Variants in ZMAT4 observed in about 807,000 individuals in gnomAD.
ZMAT4 encodes the protein zinc finger matrin-type protein 4.
In ZMAT4, 17 loss-of-function variants were observed where a neutral mutation model predicts 28.7. That is an observed-to-expected ratio of 0.59 (90% CI 0.41 to 0.89). The LOEUF is 0.89. Among genes scored for constraint, ZMAT4 ranks in the 40% least tolerant of loss-of-function variants. The pLI, the probability that ZMAT4 is intolerant of heterozygous loss-of-function variation, is 0.00. For missense variants in ZMAT4, 240 were observed against 283.8 expected, an observed-to-expected ratio of 0.85 and a Z score of 1.11; for synonymous variants, 117 against 109.2, an observed-to-expected ratio of 1.07 and a Z score of -0.44.
chr8:40,601,165 C>T (rs747423534), intron 5 of ZMAT4, among the ~76,000 whole-genome samples: 1 of 152,028 alleles, frequency 6.6e-6, no homozygotes, highest in Non-Finnish European at 1.5e-5. Context: ...GACCAGGTGA[C>T]TCCTGGTAGT....
intron 2 of ZMAT4, among the ~76,000 whole-genome samples, chr8:40,782,647 G>A (rs1813888026): frequency 6.6e-6 from 1 of 152,150 alleles, no homozygotes; most frequent in African/African-American, 2.4e-5. Flanking sequence ...ACTATTGCAA[G>A]AAGGGAAGAA....
chr8:40,706,033 T>C (rs1366352304), intron 3 of ZMAT4, among the ~76,000 whole-genome samples: 1 of 152,142 alleles, frequency 6.6e-6, no homozygotes, highest in Admixed American at 6.6e-5. Context: ...ACTGAGTATT[T>C]ACTTATTTAT....
At chr8:40,728,010 G>A (rs1274147933) in intron 3 of ZMAT4, among the ~76,000 whole-genome samples, 1 of 152,022 alleles carries the variant, frequency 6.6e-6, no homozygotes, top group Non-Finnish European at 1.5e-5. Flanking sequence ...ATTAGTGCTA[G>A]GAAATAAAGA....
At chr8:40,581,829 C>A (rs939223626) in intron 5 of ZMAT4, among the ~76,000 whole-genome samples, 1 of 152,140 alleles carries the variant, frequency 6.6e-6, no homozygotes, top group African/African-American at 2.4e-5. Flanking sequence ...CTTTTTCATT[C>A]ATTTAATTAA....
chr8:40,666,161 T>A (rs931711907), intron 5 of ZMAT4, among the ~76,000 whole-genome samples: 11 of 152,342 alleles, frequency 7.2e-5, no homozygotes, highest in Admixed American at 3.3e-4. Flanking sequence ...ATCTGTGTTT[T>A]ATACTGGCAA....
chr8:40,584,516 C>T (rs1021483260), intron 5 of ZMAT4, among the ~76,000 whole-genome samples: 1 of 152,138 alleles, frequency 6.6e-6, no homozygotes, highest in Non-Finnish European at 1.5e-5. Context: ...TAGCAAAGGA[C>T]TCTACTACTT....
chr8:40,585,355 A>T (rs1213274648), intron 5 of ZMAT4, among the ~76,000 whole-genome samples: 13 of 152,244 alleles, frequency 8.5e-5, no homozygotes, highest in South Asian at 4.2e-4. Context: ...GTGACTCCCA[A>T]ACGTCAGAGT....
At chr8:40,540,522 T>C (rs1802996251) in intron 6 of ZMAT4, among the ~76,000 whole-genome samples, 2 of 152,296 alleles carry the variant, frequency 1.3e-5, no homozygotes, top group African/African-American at 2.4e-5. Flanking sequence ...ATCTTGTCAT[T>C]TGGTTGGTCC....
At chr8:40,654,952 G>A (rs376253433) in intron 5 of ZMAT4, among the ~76,000 whole-genome samples, 3 of 151,864 alleles carry the variant, frequency 2.0e-5, no homozygotes, top group East Asian at 1.9e-4. Flanking sequence ...GGCCAGTACC[G>A]TTAGGAAAGA....
At position 40,581,208 on chromosome 8, in the gene ZMAT4, C is replaced by G. The variant is rs903962220; in HGVS notation, c.631G>C (p.Glu211Gln). 21 of 1,613,404 alleles carry G rather than the reference C, an allele frequency of 1.3e-5. No homozygotes were observed. The highest frequency in any genetic ancestry group is 1.8e-5 in the Non-Finnish European group (21 of 1,179,602). The part of the protein sequence containing the change: ...TICSVSLNSI[E>Q]QYHAHLKGSK... ...CCTTTCAGATGGGCATGATACTGTT[C>G]TATTGAGTTTAGGGAGACACTGCAG... is the stretch of plus-strand genomic sequence containing the variant. Residue 211 changes from glutamate (E) to glutamine (Q), a missense_variant, in exon 6 of 7, where the codon GAA (glutamate) becomes CAA (glutamine). Transcript: ENST00000297737.
intron 6 of ZMAT4, among the ~76,000 whole-genome samples, chr8:40,578,500 C>A (rs1269165472): frequency 1.3e-5 from 2 of 152,046 alleles, no homozygotes; most frequent in African/African-American, 4.8e-5. Flanking sequence ...ATAAATTAGA[C>A]TTCCTTAAAA....
At chr8:40,820,158 ATGTG>A (rs138729547) in intron 2 of ZMAT4, among the ~76,000 whole-genome samples, 24,573 of 147,130 alleles carry the variant, frequency 0.17, 2,338 homozygotes, top group Admixed American at 0.24. Flanking sequence ...ATATGCGAAT[ATGTG>A]TGTGTGTGTG....
intron 2 of ZMAT4, among the ~76,000 whole-genome samples, chr8:40,769,762 C>T (rs1019928366): frequency 1.3e-5 from 2 of 150,874 alleles, no homozygotes; most frequent in African/African-American, 4.9e-5. Context: ...CTGGAAATCT[C>T]ATCATGCGGC....
intron 2 of ZMAT4, among the ~76,000 whole-genome samples, chr8:40,809,056 C>T (rs1815209565): frequency 6.6e-6 from 1 of 152,124 alleles, no homozygotes; most frequent in Non-Finnish European, 1.5e-5. Flanking sequence ...GACATGGAAT[C>T]AACCTAAGTA....
chr8:40,683,503 C>T (rs923944098), intron 4 of ZMAT4, among the ~76,000 whole-genome samples: 1 of 152,152 alleles, frequency 6.6e-6, no homozygotes, highest in African/African-American at 2.4e-5. Context: ...CTGTTGGACA[C>T]CACAGGGACC....
chr8:40,803,993 T>C (rs1269350143), intron 2 of ZMAT4, among the ~76,000 whole-genome samples: 1 of 152,192 alleles, frequency 6.6e-6, no homozygotes, highest in African/African-American at 2.4e-5. Flanking sequence ...AAAGGCTGCA[T>C]AATGTATGAT....
intron 5 of ZMAT4, among the ~76,000 whole-genome samples, chr8:40,585,914 C>A (rs1804657691): frequency 6.6e-6 from 1 of 152,274 alleles, no homozygotes; most frequent in Non-Finnish European, 1.5e-5. Flanking sequence ...GTTCAGCTTG[C>A]AATAGGCATA....
At chr8:40,858,375 T>C (rs1418891990) in intron 1 of ZMAT4, among the ~76,000 whole-genome samples, 2 of 152,152 alleles carry the variant, frequency 1.3e-5, no homozygotes, top group Non-Finnish European at 2.9e-5. Flanking sequence ...GAAGTCCCCT[T>C]AGTACAAGGC....
At chr8:40,671,446 A>G (rs577882415) in intron 5 of ZMAT4, among the ~76,000 whole-genome samples, 1 of 152,298 alleles carries the variant, frequency 6.6e-6, no homozygotes, top group South Asian at 2.1e-4. Flanking sequence ...GGATAGACAA[A>G]CTGTGGTATT....
Sources: gnomAD v4.1 joint callset for allele counts (sites outside exome capture counted in the v4.1 genomes callset) on GRCh38, gnomAD v4.1.1 for gene constraint, MANE v1.5 for transcripts, NCBI Gene and HGNC (gene_info 2026-07-23, HGNC 2026-07-21) for gene names.